The following RAB3IL1 variants were observed in gnomAD, a reference collection of about 807,000 sequenced individuals.
The protein encoded by RAB3IL1 is RAB3A interacting protein like 1.
In RAB3IL1, 37 loss-of-function variants were observed where a neutral mutation model predicts 49.2. That is an observed-to-expected ratio of 0.75 (90% CI 0.58 to 0.99). The LOEUF (loss-of-function observed/expected upper bound fraction) is 0.99, where lower values mean the gene tolerates loss of function less well. Among genes scored for constraint, RAB3IL1 ranks in the 50% least tolerant of loss-of-function variants. The pLI is 0.00. For missense variants in RAB3IL1, 484 were observed against 513.0 expected, an observed-to-expected ratio of 0.94 and a Z score of 0.55; for synonymous variants, 193 against 213.9, an observed-to-expected ratio of 0.90 and a Z score of 0.85.
chr11:61,926,321 A>G, the RAB3IL1 span, among the ~76,000 whole-genome samples: 3 of 152,222 alleles, frequency 2.0e-5, no homozygotes, highest in Admixed American at 1.3e-4. Flanking sequence ...TGAACCAGAC[A>G]GACAATGTTT....
At chr11:61,905,095 GT>G (rs1939118858) in intron 5 of RAB3IL1, among the ~76,000 whole-genome samples, 1 of 152,218 alleles carries the variant, frequency 6.6e-6, no homozygotes, top group African/African-American at 2.4e-5. Flanking sequence ...TAAAAGTTTT[GT>G]TTCCAGGCCG....
At chr11:61,915,316 A>T (rs1021582938) in intron 1 of RAB3IL1, among the ~76,000 whole-genome samples, 3 of 151,972 alleles carry the variant, frequency 2.0e-5, no homozygotes, top group African/African-American at 7.3e-5. Context: ...GATGGTGGGG[A>T]GGGGTCCCTG....
At chr11:61,923,825 G>A (rs996948550), upstream of RAB3IL1, among the ~76,000 whole-genome samples, 2 of 152,226 alleles carry the variant, frequency 1.3e-5, no homozygotes, top group African/African-American at 2.4e-5. Context: ...TCTGAGCTCA[G>A]ATTTCAAGCA....
chr11:61,901,667 G>A (rs1209446443), intron 8 of RAB3IL1, among the ~76,000 whole-genome samples: 2 of 152,148 alleles, frequency 1.3e-5, no homozygotes, highest in South Asian at 2.1e-4. Context: ...AGGGGACTGC[G>A]GGTGTCCTCT....
In RAB3IL1 at chr11:61,897,321, A is replaced by G. The variant is rs1311221809; in HGVS notation, c.*957T>C. The G allele has an allele frequency of 6.6e-6, 1 of 152,648 alleles. No homozygotes were observed. The highest frequency in any genetic ancestry group is 1.5e-5 in the Non-Finnish European group (1 of 68,056). 9.5% of individuals were successfully genotyped at this position (152,648 alleles called of 1,614,324 possible). On this transcript the variant is annotated 3_prime_UTR_variant, in exon 10 of 10. Coordinates refer to ENST00000394836, the MANE Select transcript of RAB3IL1 (RefSeq NM_013401.4). Reference sequence around the variant, plus strand: ...GCCTGTACCAACAAAGCCTGCCTTTATTAAATAGAGATCGCGTTACATTCC... The same window carrying G: ...GCCTGTACCAACAAAGCCTGCCTTTGTTAAATAGAGATCGCGTTACATTCC...
chr11:61,905,548 GGACA>G lies in RAB3IL1; in HGVS notation c.658-670_658-667del, dbSNP rs879881608. 9.1e-4 allele frequency among the ~76,000 whole-genome samples: 139 copies of G among 152,152 alleles called. 1 individual carries two copies. Among genetic ancestry groups the G allele is most frequent in the Admixed American group, 1.2e-3 (18 of 15,286 alleles). On this transcript the variant is annotated intron_variant, in intron 5 of 9. Transcript: ENST00000394836. ...GGGGCCAGCCCGGGCTGGGCCGGAT[GGACA>G]GACAGACAGACAGACAGACAGGTAG...
At chr11:61,934,466 A>G in the RAB3IL1 span, among the ~76,000 whole-genome samples, 1,048 of 49,534 alleles carry the variant, frequency 0.021, 76 homozygotes, top group South Asian at 0.11. Context: ...ATATATATAT[A>G]TATATATATA....
At chr11:61,905,910 G>A (rs1431828236) in intron 5 of RAB3IL1, among the ~76,000 whole-genome samples, 1 of 152,178 alleles carries the variant, frequency 6.6e-6, no homozygotes, top group Non-Finnish European at 1.5e-5. Flanking sequence ...CCATGACCAT[G>A]AGTGTCAGCC....
chr11:61,923,071 C>T (rs1042380556), upstream of RAB3IL1, among the ~76,000 whole-genome samples: 4 of 152,156 alleles, frequency 2.6e-5, no homozygotes, highest in Admixed American at 6.5e-5. Context: ...AGCCTCTTGG[C>T]CGGGGGCGGG....
In RAB3IL1 at chr11:61,907,920, T is replaced by C. The variant is rs562369057; in HGVS notation, c.264+134A>G. The C allele has an allele frequency of 5.1e-6, 7 of 1,369,090 alleles. No individual in the cohort carries two copies. In the Admixed American group the frequency reaches 1.3e-4, roughly 26 times the overall value. The allele number at this position is 1,369,090 out of a possible 1,614,324, so 84.8% of individuals were successfully genotyped here. ...ACCATCGGTGCGCCCAGTACAGGCC[T>C]GGCCAGCAGCTGGCCTCGGTGAGGG... On this transcript the variant is annotated intron_variant, in intron 2 of 9. Transcript: ENST00000394836.
upstream of RAB3IL1, chr11:61,917,686 A>T (rs1395090522): frequency 3.7e-6 from 2 of 540,538 alleles, no homozygotes; most frequent in Non-Finnish European, 4.7e-6. Flanking sequence ...GCGCCGGGAC[A>T]GGGAGACCAC....
chr11:61,923,622 G>A (rs1939950557), upstream of RAB3IL1, among the ~76,000 whole-genome samples: 1 of 152,152 alleles, frequency 6.6e-6, no homozygotes, highest in South Asian at 2.1e-4. Context: ...GCCCTTCCTT[G>A]GTCCACTTGA....
chr11:61,939,681 T>A, the RAB3IL1 span, among the ~76,000 whole-genome samples: 1 of 149,224 alleles, frequency 6.7e-6, no homozygotes, highest in Non-Finnish European at 1.5e-5. Flanking sequence ...AAGGCTGGAG[T>A]GGCTCACGCC....
chr11:61,920,359 A>C, upstream of RAB3IL1: 1 of 878,872 alleles, frequency 1.1e-6, no homozygotes, highest in Non-Finnish European at 1.5e-6. Context: ...ATCTCCTTCA[A>C]CCCCGTAATT....
At chr11:61,946,317 G>A in the RAB3IL1 span, among the ~76,000 whole-genome samples, 1 of 152,174 alleles carries the variant, frequency 6.6e-6, no homozygotes, top group South Asian at 2.1e-4. Context: ...GGGCCTAGAA[G>A]GGCACCGAGG....
chr11:61,908,017 C>T, intron 2 of RAB3IL1, 37 bp downstream of exon 2: 1 of 1,572,050 alleles, frequency 6.4e-7, no homozygotes, highest in African/African-American at 1.4e-5. Context: ...CTGACTTCTC[C>T]CCACCGAAGA....
intron 4 of RAB3IL1, among the ~76,000 whole-genome samples, chr11:61,907,076 G>C (rs1939229223): frequency 6.6e-6 from 1 of 152,238 alleles, no homozygotes; most frequent in Non-Finnish European, 1.5e-5. Flanking sequence ...GCCATACTGA[G>C]TGAGGTTTCT....
chr11:61,944,481 C>T, the RAB3IL1 span, among the ~76,000 whole-genome samples: 1 of 152,104 alleles, frequency 6.6e-6, no homozygotes, highest in East Asian at 1.9e-4. Context: ...TAACTGGGCC[C>T]CAGACCTCAG....
the RAB3IL1 span, among the ~76,000 whole-genome samples, chr11:61,934,413 C>G: frequency 1.4e-5 from 1 of 73,528 alleles, no homozygotes; most frequent in African/African-American, 5.5e-5. Context: ...TGTATATATA[C>G]ATATATATGT....
Sources: allele counts gnomAD v4.1 joint callset (sites outside exome capture counted in the v4.1 genomes callset), GRCh38; gene constraint gnomAD v4.1.1; transcripts MANE v1.5; gene names NCBI Gene and HGNC (gene_info 2026-07-23, HGNC 2026-07-21).